KIAA1671: variants seen among roughly 807,000 people sequenced by gnomAD.
The protein encoded by KIAA1671 is uncharacterized protein KIAA1671.
Under a neutral mutation model 131.2 loss-of-function variants are expected in KIAA1671, and 52 were observed. That is an observed-to-expected ratio of 0.40 (90% CI 0.32 to 0.50). The LOEUF is 0.50. Ranked by LOEUF, KIAA1671 falls within the 20% of genes least tolerant of loss-of-function variation. The pLI is 0.73. For missense variants in KIAA1671, 2,360 were observed against 2,364.2 expected, an observed-to-expected ratio of 1.00 and a Z score of 0.04; for synonymous variants, 1,003 against 961.6, an observed-to-expected ratio of 1.04 and a Z score of -0.80.
At chr22:25,074,480 G>A (rs1424863451) in intron 6 of KIAA1671, among the ~76,000 whole-genome samples, 1 of 118,770 alleles carries the variant, frequency 8.4e-6, no homozygotes, top group African/African-American at 3.5e-5. Context: ...ACTCCAGCCT[G>A]AGCAAGGCTG....
At position 25,041,104 on chromosome 22, in the gene KIAA1671, C is replaced by A. The variant is rs1225651632; in HGVS notation, c.3974C>A (p.Ala1325Asp). 6 of 1,546,108 alleles carry A rather than the reference C, an allele frequency of 3.9e-6. No homozygotes were observed. In the African/African-American group the frequency reaches 5.5e-5, roughly 14 times the overall value. The change falls in exon 5 of 13, where the codon GCT (alanine) becomes GAT (aspartate). Residue 1325 changes from alanine to aspartate, a missense_variant. Around this residue, in one of 3 missense-constraint regions of KIAA1671, gnomAD observed 1,161 missense variants for 1,204.7 expected, o/e 0.96. Transcript: ENST00000358431. ...GATCCCAGGAAAAAAACGGGGTTTGCTGAGGATGACAGAAAGGCCTTTGCC... is the reference window on the plus strand; with the variant it reads ...GATCCCAGGAAAAAAACGGGGTTTGATGAGGATGACAGAAAGGCCTTTGCC... ...PADPRKKTGF[A>D]EDDRKAFASK...
At chr22:25,161,697 G>A (rs1008012336) in intron 6 of KIAA1671, among the ~76,000 whole-genome samples, 3 of 152,318 alleles carry the variant, frequency 2.0e-5, no homozygotes, top group South Asian at 2.1e-4. Flanking sequence ...ACAGCTGGGC[G>A]TGCAGGGTGG....
At chr22:25,025,430 T>A (rs1925893212) in intron 1 of KIAA1671, among the ~76,000 whole-genome samples, 1 of 152,152 alleles carries the variant, frequency 6.6e-6, no homozygotes, top group Admixed American at 6.5e-5. Flanking sequence ...AGGGAAGATT[T>A]TTATTGAGCA....
At chr22:25,071,329 G>A (rs906236862) in intron 6 of KIAA1671, among the ~76,000 whole-genome samples, 5 of 152,122 alleles carry the variant, frequency 3.3e-5, no homozygotes, top group Non-Finnish European at 7.3e-5. Flanking sequence ...GAATTTTCCA[G>A]CGCTCCTAAA....
chr22:25,168,622 G>A (rs1010864387), intron 6 of KIAA1671, among the ~76,000 whole-genome samples: 1 of 152,206 alleles, frequency 6.6e-6, no homozygotes, highest in East Asian at 1.9e-4. Flanking sequence ...GAACCTGGGA[G>A]GCGGAGGTTG....
At chr22:24,988,807 A>G (rs2123842512) in intron 1 of KIAA1671, among the ~76,000 whole-genome samples, 1 of 151,894 alleles carries the variant, frequency 6.6e-6, no homozygotes, top group South Asian at 2.1e-4. Flanking sequence ...TGTCAGACCC[A>G]AAGATGGGGA....
chr22:24,958,289 A>G (rs1482049343), intron 1 of KIAA1671, among the ~76,000 whole-genome samples: 2 of 151,346 alleles, frequency 1.3e-5, no homozygotes, highest in East Asian at 3.9e-4. Context: ...GGAGGCTGAG[A>G]TGGGAGTATT....
chr22:25,189,555 G>A (rs755239300), intron 11 of KIAA1671, among the ~76,000 whole-genome samples: 3 of 152,076 alleles, frequency 2.0e-5, no homozygotes, highest in African/African-American at 7.2e-5. Flanking sequence ...GCTACTCAGC[G>A]CCTACTGATT....
rs1602080339 is a variant in KIAA1671, at chr22:25,029,559, C to A, written c.1541+19C>A. The A allele has an allele frequency of 6.7e-7, 1 of 1,493,282 alleles. No homozygotes were observed. The highest frequency in any genetic ancestry group is 9.0e-7 in the Non-Finnish European group (1 of 1,114,946). 92.5% of individuals were successfully genotyped at this position (1,493,282 alleles called of 1,614,324 possible). ...CCAAATTGTAAGTAGGCACATCCCA[C>A]ACCCCTCTCTCAGCCGCCCACCCAC... On this transcript the variant is annotated intron_variant, in intron 3 of 12. Coordinates refer to ENST00000358431, the MANE Select transcript of KIAA1671 (RefSeq NM_001145206.2).
At chr22:25,117,636 C>CACACACAG (rs1491355386) in intron 6 of KIAA1671, among the ~76,000 whole-genome samples, 3 of 144,410 alleles carry the variant, frequency 2.1e-5, no homozygotes, top group Admixed American at 6.9e-5. Context: ...CACACACACA[C>CACACACAG]AGACACACTG....
At chr22:24,995,347 C>T (rs1233275325) in intron 1 of KIAA1671, among the ~76,000 whole-genome samples, 3 of 147,134 alleles carry the variant, frequency 2.0e-5, no homozygotes, top group Non-Finnish European at 3.0e-5. Flanking sequence ...CCACTGCGCC[C>T]GGCCAAGGTT....
intron 7 of KIAA1671, among the ~76,000 whole-genome samples, chr22:25,172,418 C>T (rs574230358): frequency 3.3e-5 from 5 of 152,318 alleles, no homozygotes; most frequent in South Asian, 4.1e-4. Flanking sequence ...ACCTTCATCC[C>T]GTGTGGATTT....
chr22:25,119,291 C>G (rs968782643), intron 6 of KIAA1671, among the ~76,000 whole-genome samples: 1 of 152,122 alleles, frequency 6.6e-6, no homozygotes, highest in Non-Finnish European at 1.5e-5. Context: ...TAAGAGATGA[C>G]AAGAAGTGTA....
chr22:25,130,898 C>T (rs942225834), intron 6 of KIAA1671, among the ~76,000 whole-genome samples: 3 of 152,232 alleles, frequency 2.0e-5, no homozygotes, highest in African/African-American at 7.2e-5. Context: ...GGCCCCACCT[C>T]CCATAACTTA....
intron 6 of KIAA1671, among the ~76,000 whole-genome samples, chr22:25,138,806 A>G (rs1033118883): frequency 9.9e-5 from 15 of 152,030 alleles, no homozygotes; most frequent in African/African-American, 3.4e-4. Flanking sequence ...AACCCACCAA[A>G]GTGTTGCTGA....
At chr22:25,041,644 G>T in intron 5 of KIAA1671, 119 bp downstream of exon 5, 2 of 1,038,578 alleles carry the variant, frequency 1.9e-6, no homozygotes, top group Non-Finnish European at 2.7e-6. Flanking sequence ...AGTCAGGCTG[G>T]GTATGAGGCT....
chr22:25,154,280 A>G (rs6004449), intron 6 of KIAA1671, among the ~76,000 whole-genome samples: 53,032 of 152,120 alleles, frequency 0.35, 11,094 homozygotes, highest in African/African-American at 0.6. Context: ...TCTGTGTCTC[A>G]GGGCTCACAG....
At chr22:25,068,814 A>C (rs1377692761) in intron 6 of KIAA1671, among the ~76,000 whole-genome samples, 1 of 152,212 alleles carries the variant, frequency 6.6e-6, no homozygotes, top group Non-Finnish European at 1.5e-5. Flanking sequence ...GATGCAGCAC[A>C]GATGGGCCCA....
chr22:25,169,037 C>T (rs147823329), intron 6 of KIAA1671, among the ~76,000 whole-genome samples: 329 of 152,140 alleles, frequency 2.2e-3, no homozygotes, highest in East Asian at 9.1e-3. Flanking sequence ...TGGAACAGAA[C>T]GTAAGGAGTA....
Sources: gnomAD v4.1 joint callset for allele counts (sites outside exome capture counted in the v4.1 genomes callset) on GRCh38, gnomAD v4.1.1 for gene constraint, gnomAD v4.1.1 regional missense constraint, MANE v1.5 for transcripts, NCBI Gene and HGNC (gene_info 2026-07-23, HGNC 2026-07-21) for gene names.